Variants in ZCWPW2 observed in about 807,000 individuals in gnomAD.
ZCWPW2 encodes zinc finger CW-type PWWP domain protein 2.
In ZCWPW2, 45 loss-of-function variants were observed where a neutral mutation model predicts 46.6. The ratio of observed to expected loss-of-function variants is 0.96; its 90% CI spans 0.76 to 1.24. The LOEUF is 1.24. Among genes scored for constraint, ZCWPW2 ranks in the 50% most tolerant of loss-of-function variants. ZCWPW2 has a pLI of 0.00. For synonymous variants in ZCWPW2, 152 were observed against 137.1 expected, an observed-to-expected ratio of 1.11 and a Z score of -0.76; for missense variants, 429 against 403.9, an observed-to-expected ratio of 1.06 and a Z score of -0.53.
At chr3:28,495,465 G>A (rs1424919359) in intron 6 of ZCWPW2, among the ~76,000 whole-genome samples, 2 of 151,934 alleles carry the variant, frequency 1.3e-5, no homozygotes, top group Non-Finnish European at 2.9e-5. Flanking sequence ...GCTTTTATTT[G>A]TACCAGTTGT....
At chr3:28,449,215 A>C (rs1698131132) in intron 4 of ZCWPW2, among the ~76,000 whole-genome samples, 1 of 152,200 alleles carries the variant, frequency 6.6e-6, no homozygotes, top group Non-Finnish European at 1.5e-5. Flanking sequence ...ACCCTTACCT[A>C]AAATCATGTA....
At chr3:28,436,327 T>TTTC (rs1697494456) in intron 4 of ZCWPW2, among the ~76,000 whole-genome samples, 1 of 141,124 alleles carries the variant, frequency 7.1e-6, no homozygotes, top group Non-Finnish European at 1.5e-5. Context: ...TTTTTTCTTT[T>TTTC]TTTTTTTTTT....
intron 6 of ZCWPW2, among the ~76,000 whole-genome samples, chr3:28,500,176 CGTAATTG>C (rs1700104358): frequency 6.6e-6 from 1 of 151,850 alleles, no homozygotes; most frequent in South Asian, 2.1e-4. Context: ...TTGCAAATGC[CGTAATTG>C]TCATTGACAG....
chr3:28,484,920 T>C (rs1298946104), intron 5 of ZCWPW2, among the ~76,000 whole-genome samples: 1 of 152,158 alleles, frequency 6.6e-6, no homozygotes, highest in Non-Finnish European at 1.5e-5. Context: ...TCTGCTCTTT[T>C]ATTTTTTTTC....
rs117143546 is a variant in ZCWPW2, at chr3:28,473,450, G to C, written c.493-5364G>C. Among the ~76,000 whole-genome samples, 5 of 152,106 alleles carry C rather than the reference G, an allele frequency of 3.3e-5. No homozygotes were observed. In the East Asian group the frequency reaches 9.7e-4, roughly 29 times the overall value. On this transcript the variant is annotated intron_variant, in intron 4 of 9. Coordinates refer to ENST00000383768, the MANE Select transcript of ZCWPW2 (RefSeq NM_001040432.4). ...AAATCATGCCACTGCACTCCAGCTT[G>C]GGTGACAGAGTAACACTTTGTCGCA...
At chr3:28,472,488 A>G (rs1214049653) in intron 4 of ZCWPW2, among the ~76,000 whole-genome samples, 1 of 152,168 alleles carries the variant, frequency 6.6e-6, no homozygotes, top group Non-Finnish European at 1.5e-5. Context: ...GACAGTCTAC[A>G]ATAAATGTTG....
intron 1 of ZCWPW2, among the ~76,000 whole-genome samples, chr3:28,383,839 T>G (rs1695180960): frequency 6.6e-6 from 1 of 152,164 alleles, no homozygotes; most frequent in South Asian, 2.1e-4. Context: ...GAAGAACATT[T>G]GCCTATTTTA....
chr3:28,469,206 CA>C (rs1391082944), intron 4 of ZCWPW2, among the ~76,000 whole-genome samples: 2 of 151,374 alleles, frequency 1.3e-5, no homozygotes, highest in Non-Finnish European at 2.9e-5. Flanking sequence ...AATCACAAAT[CA>C]AAAAACATAC....
intron 5 of ZCWPW2, among the ~76,000 whole-genome samples, chr3:28,479,302 T>C (rs907617790): frequency 7.9e-5 from 12 of 152,142 alleles, no homozygotes; most frequent in African/African-American, 2.9e-4. Context: ...GGATATGCTG[T>C]ATTATTACAG....
intron 3 of ZCWPW2, among the ~76,000 whole-genome samples, chr3:28,426,107 C>T (rs1401221826): frequency 6.6e-6 from 1 of 150,796 alleles, no homozygotes; most frequent in African/African-American, 2.4e-5. Context: ...AAAACTCTGT[C>T]ACAAAAAAAA....
chr3:28,437,551 G>C (rs1384154244), intron 4 of ZCWPW2, among the ~76,000 whole-genome samples: 1 of 152,004 alleles, frequency 6.6e-6, no homozygotes, highest in Non-Finnish European at 1.5e-5. Context: ...TAGGTGCATG[G>C]TTGCCTTATG....
intron 4 of ZCWPW2, among the ~76,000 whole-genome samples, chr3:28,454,034 C>T (rs535896154): frequency 9.3e-5 from 14 of 151,192 alleles, no homozygotes; most frequent in Non-Finnish European, 1.3e-4. Flanking sequence ...TTAGTAGAGA[C>T]GGGGTTTCAC....
intron 2 of ZCWPW2, among the ~76,000 whole-genome samples, chr3:28,397,380 C>A (rs571112059): frequency 1.3e-5 from 2 of 152,078 alleles, no homozygotes; most frequent in East Asian, 3.9e-4. Flanking sequence ...TTAAAAATAA[C>A]ATGTATGGGC....
At chr3:28,427,578 G>A (rs763001856) in intron 3 of ZCWPW2, among the ~76,000 whole-genome samples, 1 of 152,016 alleles carries the variant, frequency 6.6e-6, no homozygotes, top group African/African-American at 2.4e-5. Context: ...AATTTAATAT[G>A]TTTAAATATG....
chr3:28,503,316 GGT>G (rs1321846889), intron 6 of ZCWPW2, among the ~76,000 whole-genome samples: 1 of 152,020 alleles, frequency 6.6e-6, no homozygotes, highest in East Asian at 1.9e-4. Flanking sequence ...CTAAGGTTGT[GGT>G]ATGCAGTTTT....
At chr3:28,358,393 ACT>A (rs1393366754) in intron 1 of ZCWPW2, among the ~76,000 whole-genome samples, 5 of 152,080 alleles carry the variant, frequency 3.3e-5, no homozygotes, top group African/African-American at 1.2e-4. Flanking sequence ...CATTCAAGTG[ACT>A]CTGATTATTC....
intron 1 of ZCWPW2, among the ~76,000 whole-genome samples, chr3:28,361,018 CATAA>C (rs1281257921): frequency 6.6e-6 from 1 of 151,972 alleles, no homozygotes; most frequent in Non-Finnish European, 1.5e-5. Context: ...ACATATGAAA[CATAA>C]ATAAATTTTG....
chr3:28,489,101 G>A (rs539437331), intron 5 of ZCWPW2, among the ~76,000 whole-genome samples: 1 of 152,096 alleles, frequency 6.6e-6, no homozygotes, highest in South Asian at 2.1e-4. Flanking sequence ...ACATATTTCT[G>A]TTCCCAATTT....
At chr3:28,421,328 C>A (rs1322284331) in intron 3 of ZCWPW2, among the ~76,000 whole-genome samples, 1 of 152,096 alleles carries the variant, frequency 6.6e-6, no homozygotes, top group Non-Finnish European at 1.5e-5. Context: ...TGGTAAAAAT[C>A]TTGGCTTCCT....
Sources: gnomAD v4.1 joint callset for allele counts (sites outside exome capture counted in the v4.1 genomes callset) on GRCh38, gnomAD v4.1.1 for gene constraint, MANE v1.5 for transcripts, NCBI Gene and HGNC (gene_info 2026-07-23, HGNC 2026-07-21) for gene names.